The following NSMCE2 variants were observed in gnomAD, a reference collection of about 807,000 sequenced individuals.
NSMCE2 encodes NSE2 SUMO ligase component of SMC5/6 complex.
In NSMCE2, 24 loss-of-function variants were observed where a neutral mutation model predicts 23.8. The observed-to-expected ratio is 1.01, with a 90% CI of 0.73 to 1.42. The LOEUF (loss-of-function observed/expected upper bound fraction) is 1.42, where lower values mean the gene tolerates loss of function less well. NSMCE2 is among the 40% of genes most tolerant of loss of function. The probability of loss-of-function intolerance (pLI) is 0.00; values close to 1 mark genes in which losing one functional copy is unlikely to be tolerated. For synonymous variants in NSMCE2, 92 were observed against 94.1 expected (o/e 0.98, Z 0.13); for missense variants, 284 against 296.5 (o/e 0.96, Z 0.31).
At chr8:125,163,147 G>A (rs1240742290) in intron 4 of NSMCE2, among the ~76,000 whole-genome samples, 2 of 152,080 alleles carry the variant, frequency 1.3e-5, no homozygotes, top group Non-Finnish European at 2.9e-5. Flanking sequence ...TGGGAGGATC[G>A]CTTGAGCCCA....
chr8:125,182,356 C>A, intron 5 of NSMCE2, 100 bp downstream of exon 5: 1 of 913,016 alleles, frequency 1.1e-6, no homozygotes, highest in Non-Finnish European at 1.7e-6. Context: ...TGCTTATCTG[C>A]TTGGCTTGAT....
In NSMCE2 at chr8:125,328,465, G is replaced by A. The variant is rs145436600; in HGVS notation, c.419-28754G>A. Among the ~76,000 whole-genome samples the A allele has an allele frequency of 1.8e-3, 271 of 152,344 alleles. 1 individual carries two copies. In the Middle Eastern group the frequency reaches 0.02, roughly 11 times the overall value. ...ACCTCGAGGGCCTGGATTGGGTTGTGTGCCAGGCACAAGGAGTATCTTAAC... is the reference window on the plus strand; with the variant it reads ...ACCTCGAGGGCCTGGATTGGGTTGTATGCCAGGCACAAGGAGTATCTTAAC... On this transcript the variant is annotated intron_variant, in intron 5 of 7. Coordinates refer to ENST00000287437, the MANE Select transcript of NSMCE2 (RefSeq NM_173685.4).
At chr8:125,120,643 A>G (rs900920602) in intron 3 of NSMCE2, among the ~76,000 whole-genome samples, 4 of 152,162 alleles carry the variant, frequency 2.6e-5, no homozygotes, top group African/African-American at 9.7e-5. Flanking sequence ...TAGTTGCTAT[A>G]AACAATTAGG....
At chr8:125,197,620 G>A (rs1464701340) in intron 5 of NSMCE2, among the ~76,000 whole-genome samples, 3 of 152,042 alleles carry the variant, frequency 2.0e-5, no homozygotes, top group Non-Finnish European at 2.9e-5. Flanking sequence ...ATAGTTCGAA[G>A]TCAGGTAGCC....
At chr8:125,240,252 G>A (rs759990169) in intron 5 of NSMCE2, among the ~76,000 whole-genome samples, 5 of 151,972 alleles carry the variant, frequency 3.3e-5, no homozygotes, top group Non-Finnish European at 5.9e-5. Flanking sequence ...AGCCTCCCGA[G>A]TAGCTGGGAC....
chr8:125,196,323 G>A (rs1823617141), intron 5 of NSMCE2, among the ~76,000 whole-genome samples: 1 of 151,406 alleles, frequency 6.6e-6, no homozygotes, highest in African/African-American at 2.4e-5. Context: ...ATTTACATTA[G>A]GTATTTCTCC....
chr8:125,125,765 T>A (rs1819488210), intron 3 of NSMCE2, among the ~76,000 whole-genome samples: 1 of 152,194 alleles, frequency 6.6e-6, no homozygotes, highest in Non-Finnish European at 1.5e-5. Context: ...TGAGAGCTTA[T>A]GAGTCAGAGA....
intron 5 of NSMCE2, among the ~76,000 whole-genome samples, chr8:125,194,188 G>T (rs959965838): frequency 3.9e-5 from 6 of 152,100 alleles, no homozygotes; most frequent in Admixed American, 6.5e-5. Context: ...ACAATCAGTT[G>T]TCCTGCACAG....
At chr8:125,206,267 G>T (rs1238091231) in intron 5 of NSMCE2, among the ~76,000 whole-genome samples, 2 of 152,206 alleles carry the variant, frequency 1.3e-5, no homozygotes, top group Non-Finnish European at 2.9e-5. Flanking sequence ...TGGGAGAAAA[G>T]ATTACAAGGG....
At chr8:125,133,212 G>A (rs1819863001) in intron 3 of NSMCE2, among the ~76,000 whole-genome samples, 1 of 152,178 alleles carries the variant, frequency 6.6e-6, no homozygotes, top group Non-Finnish European at 1.5e-5. Flanking sequence ...AGTAAATTTA[G>A]AAGGAATATT....
At chr8:125,176,825 C>T (rs1270457367) in intron 4 of NSMCE2, among the ~76,000 whole-genome samples, 3 of 152,228 alleles carry the variant, frequency 2.0e-5, no homozygotes, top group East Asian at 1.9e-4. Flanking sequence ...CAGCAGACAT[C>T]GGCAGCTGAG....
intron 5 of NSMCE2, among the ~76,000 whole-genome samples, chr8:125,345,075 G>T (rs1190580508): frequency 6.7e-6 from 1 of 150,166 alleles, no homozygotes; most frequent in Non-Finnish European, 1.5e-5. Flanking sequence ...GATTACTACT[G>T]TACTTCTGTA....
At chr8:125,358,275 G>T (rs897361944) in intron 7 of NSMCE2, among the ~76,000 whole-genome samples, 2 of 151,808 alleles carry the variant, frequency 1.3e-5, no homozygotes, top group South Asian at 2.1e-4. Context: ...AGAGGTTGCA[G>T]TGAGCCGAGA....
chr8:125,254,632 A>G (rs1323568067), intron 5 of NSMCE2, among the ~76,000 whole-genome samples: 4 of 151,722 alleles, frequency 2.6e-5, no homozygotes, highest in Non-Finnish European at 4.4e-5. Context: ...AAGGACTATA[A>G]TTTGATTGGC....
chr8:125,276,201 C>T (rs1238518726), intron 5 of NSMCE2, among the ~76,000 whole-genome samples: 1 of 152,202 alleles, frequency 6.6e-6, no homozygotes, highest in African/African-American at 2.4e-5. Context: ...TGCCCAGGGC[C>T]AGCATTGACA....
chr8:125,348,073 ACTTTG>A lies in NSMCE2; in HGVS notation c.419-9140_419-9136del, dbSNP rs777483345. 69 of 152,326 alleles carry A rather than the reference ACTTTG, an allele frequency of 4.5e-4. No homozygotes were observed. The East Asian group carries it at 9.0e-3, about 20-fold the overall frequency. 9.4% of individuals were successfully genotyped at this position (152,326 alleles called of 1,614,324 possible). A position where few individuals can be genotyped will look rare whatever the true frequency, so the allele number is the denominator to read the frequency against. The stretch of plus-strand genomic sequence containing the variant: ...GTATATGCATGACCTTCACAAGAAC[ACTTTG>A]CTTTGTAGGTGTCTGTTCTGTGTGA... On this transcript the variant is annotated intron_variant, in intron 5 of 7. Coordinates refer to ENST00000287437, the MANE Select transcript of NSMCE2 (RefSeq NM_173685.4).
chr8:125,159,454 T>G (rs868401912), intron 4 of NSMCE2, among the ~76,000 whole-genome samples: 1 of 152,210 alleles, frequency 6.6e-6, no homozygotes, highest in Non-Finnish European at 1.5e-5. Flanking sequence ...TTCAGTATAG[T>G]AACATGCTGT....
intron 5 of NSMCE2, among the ~76,000 whole-genome samples, chr8:125,280,997 G>T (rs191333028): frequency 1.3e-5 from 2 of 152,300 alleles, no homozygotes; most frequent in Admixed American, 6.5e-5. Flanking sequence ...GAGGTTTTCA[G>T]GAAGAAAACT....
intron 5 of NSMCE2, among the ~76,000 whole-genome samples, chr8:125,270,305 A>G (rs1827123594): frequency 6.6e-6 from 1 of 152,094 alleles, no homozygotes; most frequent in South Asian, 2.1e-4. Context: ...TGTCTACTAA[A>G]AATACAAAAC....
Sources: gnomAD v4.1 joint callset for allele counts (sites outside exome capture counted in the v4.1 genomes callset) on GRCh38, gnomAD v4.1.1 for gene constraint, MANE v1.5 for transcripts, NCBI Gene and HGNC (gene_info 2026-07-23, HGNC 2026-07-21) for gene names.